The following GRIK4 variants were observed in gnomAD, a reference collection of about 807,000 sequenced individuals.
GRIK4 encodes the protein glutamate ionotropic receptor kainate type subunit 4, also known as glutamate receptor ionotropic, kainate 4.
Under a neutral mutation model 104.9 loss-of-function variants are expected in GRIK4, and 40 were observed. That is an observed-to-expected ratio of 0.38 (90% CI 0.30 to 0.50). The LOEUF (loss-of-function observed/expected upper bound fraction) is 0.50, where lower values mean the gene tolerates loss of function less well. GRIK4 is among the 20% of genes least tolerant of loss of function. The probability of loss-of-function intolerance (pLI) is 0.93; values close to 1 mark genes in which losing one functional copy is unlikely to be tolerated. For synonymous variants in GRIK4, 485 were observed against 524.9 expected (o/e 0.92, Z 1.04); for missense variants, 1,047 against 1,308.1 (o/e 0.80, Z 3.08).
rs1555104876 is a variant in GRIK4, at chr11:120,963,997, T to TATTTATTTATTTATTTATTTA, written c.2266+1316_2266+1317insATTTATTTATTTATTTATTTA. Among the ~76,000 whole-genome samples, 7 of 146,344 alleles carry TATTTATTTATTTATTTATTTA rather than the reference T, an allele frequency of 4.8e-5. No homozygotes were observed. In the East Asian group the frequency reaches 1.4e-3, roughly 29 times the overall value. ...TTTATTTATTTATTTATTTATTTAT[T>TATTTATTTATTTATTTATTTA]TTTATTTATTTTTGAGATGGAGCCT... On this transcript the variant is annotated intron_variant, in intron 18 of 20. Transcript: ENST00000527524.
At chr11:120,901,072 G>A (rs1942723917) in intron 12 of GRIK4, among the ~76,000 whole-genome samples, 1 of 152,190 alleles carries the variant, frequency 6.6e-6, no homozygotes, top group African/African-American at 2.4e-5. Flanking sequence ...TTTCTCTGGA[G>A]CCGCTCCATA....
intron 13 of GRIK4, among the ~76,000 whole-genome samples, chr11:120,933,785 C>T (rs1036232318): frequency 2.6e-5 from 4 of 152,176 alleles, no homozygotes; most frequent in African/African-American, 9.7e-5. Flanking sequence ...GTAAATTGCA[C>T]ATGGCCATTT....
intron 13 of GRIK4, among the ~76,000 whole-genome samples, chr11:120,921,400 C>T (rs1036222303): frequency 3.9e-5 from 6 of 152,196 alleles, no homozygotes; most frequent in Admixed American, 2.0e-4. Context: ...GAGAATTAAC[C>T]ATCCCAGCGT....
At chr11:120,792,001 T>G (rs1952404071) in intron 3 of GRIK4, among the ~76,000 whole-genome samples, 1 of 152,182 alleles carries the variant, frequency 6.6e-6, no homozygotes. Context: ...GCGAGGTCAT[T>G]GCATTGGGGA....
intron 3 of GRIK4, among the ~76,000 whole-genome samples, chr11:120,755,767 C>A (rs2086463860): frequency 6.6e-6 from 1 of 152,106 alleles, no homozygotes. Context: ...TGCTAACAGA[C>A]AATGTGATTG....
chr11:120,928,826 G>C (rs1464318529), intron 13 of GRIK4, among the ~76,000 whole-genome samples: 1 of 152,192 alleles, frequency 6.6e-6, no homozygotes, highest in African/African-American at 2.4e-5. Context: ...TGGACCTGCG[G>C]ATGACATTGC....
rs938697032 is a variant in GRIK4 at position 120,898,489 on chromosome 11, G to T, written c.1165-43G>T. 6.2e-6 allele frequency: 7 copies of T among 1,136,100 alleles called. No homozygotes were observed. The African/African-American group carries it at 1.1e-4, about 17-fold the overall frequency. The allele number at this position is 1,136,100 out of a possible 1,614,324, so 70.4% of individuals were successfully genotyped here. On this transcript the variant is annotated intron_variant, in intron 11 of 20. Coordinates refer to ENST00000527524, the MANE Select transcript of GRIK4 (RefSeq NM_014619.5). Reference sequence around the variant, plus strand: ...AGCCTCTTGGCTCCTTCCAGCTCTGGAGGCCACCATTTCTTCCCAGTCCTC... The same window carrying T: ...AGCCTCTTGGCTCCTTCCAGCTCTGTAGGCCACCATTTCTTCCCAGTCCTC...
intron 3 of GRIK4, among the ~76,000 whole-genome samples, chr11:120,716,883 C>G (rs1267419919): frequency 2.0e-5 from 3 of 152,174 alleles, no homozygotes; most frequent in African/African-American, 7.2e-5. Context: ...ATGATTGTCC[C>G]TGAACTCCAT....
chr11:120,702,234 G>A (rs893171391), intron 3 of GRIK4, among the ~76,000 whole-genome samples: 3 of 151,922 alleles, frequency 2.0e-5, no homozygotes, highest in Non-Finnish European at 2.9e-5. Context: ...GATTACAGGC[G>A]TGAGCCACTG....
intron 3 of GRIK4, among the ~76,000 whole-genome samples, chr11:120,801,790 T>C (rs1952625958): frequency 6.6e-6 from 1 of 152,212 alleles, no homozygotes; most frequent in African/African-American, 2.4e-5. Context: ...ATTGAGTGCC[T>C]CCTGTGTGCA....
intron 3 of GRIK4, among the ~76,000 whole-genome samples, chr11:120,687,724 C>T (rs1415149724): frequency 6.6e-6 from 1 of 152,180 alleles, no homozygotes; most frequent in Non-Finnish European, 1.5e-5. Flanking sequence ...AACTGAGTCC[C>T]TGCCGGGTTG....
At chr11:120,887,320 C>G (rs1955150360) in intron 11 of GRIK4, among the ~76,000 whole-genome samples, 1 of 152,194 alleles carries the variant, frequency 6.6e-6, no homozygotes, top group Admixed American at 6.6e-5. Context: ...CTGAGACCTT[C>G]TGGGGTTGCC....
intron 1 of GRIK4, among the ~76,000 whole-genome samples, chr11:120,650,794 C>T (rs945023085): frequency 1.1e-4 from 17 of 152,176 alleles, no homozygotes; most frequent in Admixed American, 2.6e-4. Context: ...ATGCTTTGAC[C>T]GGTCTTGGGT....
At chr11:120,835,922 C>T (rs1953565178) in intron 7 of GRIK4, among the ~76,000 whole-genome samples, 1 of 152,212 alleles carries the variant, frequency 6.6e-6, no homozygotes. Context: ...TGATGCCACA[C>T]TGATGCGCTG....
At chr11:120,706,204 G>T (rs555063731) in intron 3 of GRIK4, among the ~76,000 whole-genome samples, 1 of 152,208 alleles carries the variant, frequency 6.6e-6, no homozygotes, top group Admixed American at 6.5e-5. Context: ...GGAAGGGGCT[G>T]TGGGTTCTAG....
chr11:120,544,986 AGGGTT>A (rs1309947247), intron 1 of GRIK4, among the ~76,000 whole-genome samples: 2 of 152,104 alleles, frequency 1.3e-5, no homozygotes, highest in Non-Finnish European at 2.9e-5. Flanking sequence ...CGTGTGCTGC[AGGGTT>A]CCCGCTTTCT....
At chr11:120,586,666 A>G (rs1028411424) in intron 1 of GRIK4, among the ~76,000 whole-genome samples, 3 of 152,106 alleles carry the variant, frequency 2.0e-5, no homozygotes, top group Admixed American at 6.5e-5. Flanking sequence ...ACAATGGGAC[A>G]TTCGGGTGAC....
At chr11:120,835,972 A>G (rs766774012) in intron 7 of GRIK4, among the ~76,000 whole-genome samples, 1 of 152,212 alleles carries the variant, frequency 6.6e-6, no homozygotes, top group African/African-American at 2.4e-5. Context: ...CTGATTCCTT[A>G]CGACAAATAA....
At chr11:120,896,709 C>T (rs1401146987) in intron 11 of GRIK4, among the ~76,000 whole-genome samples, 8 of 152,144 alleles carry the variant, frequency 5.3e-5, no homozygotes, top group Admixed American at 1.3e-4. Flanking sequence ...GTGGGGGCGG[C>T]GAGAAAGGGT....
Sources: gnomAD v4.1 joint callset for allele counts (sites outside exome capture counted in the v4.1 genomes callset) on GRCh38, gnomAD v4.1.1 for gene constraint, MANE v1.5 for transcripts, NCBI Gene and HGNC (gene_info 2026-07-23, HGNC 2026-07-21) for gene names.